KCNIP4: variants seen among roughly 807,000 people sequenced by gnomAD.
KCNIP4 encodes Kv channel-interacting protein 4.
Under a neutral mutation model 34.0 loss-of-function variants are expected in KCNIP4, and 12 were observed. That is an observed-to-expected ratio of 0.35 (90% confidence interval 0.23 to 0.57). The LOEUF is 0.57. Ranked by LOEUF, KCNIP4 falls within the 20% of genes least tolerant of loss-of-function variation. The probability of loss-of-function intolerance (pLI) is 0.83; values close to 1 mark genes in which losing one functional copy is unlikely to be tolerated. For missense variants in KCNIP4, 238 were observed against 311.7 expected (o/e 0.76, Z 1.78); for synonymous variants, 124 against 102.2 (o/e 1.21, Z -1.29).
intron 1 of KCNIP4, among the ~76,000 whole-genome samples, chr4:21,109,694 G>C (rs9714992): frequency 0.45 from 68,241 of 151,262 alleles, 15,828 homozygotes; most frequent in African/African-American, 0.58. Flanking sequence ...TCTTCTGCAT[G>C]ACTCACGCTG....
In KCNIP4 at chr4:20,919,878, C is replaced by T. The variant is rs564660168; in HGVS notation, c.62-37169G>A. On this transcript the variant is annotated intron_variant, in intron 1 of 8. Coordinates refer to ENST00000382152, the MANE Select transcript of KCNIP4 (RefSeq NM_025221.6). The stretch of plus-strand genomic sequence containing the variant: ...CATCAAACTTTAGTGGAACTGGCCT[C>T]AGAAACCCAATTTCTGGCTAACACA... Among the ~76,000 whole-genome samples the T allele has an allele frequency of 5.9e-5, 9 of 152,176 alleles. 1 individual carries two copies. The South Asian group carries it at 1.0e-3, about 18-fold the overall frequency.
At chr4:21,687,088 A>G (rs1461144649) in intron 1 of KCNIP4, among the ~76,000 whole-genome samples, 2 of 141,928 alleles carry the variant, frequency 1.4e-5, no homozygotes, top group Middle Eastern at 3.6e-3. Flanking sequence ...CAAACACCGC[A>G]TATTCTCACT....
At chr4:21,714,053 A>G (rs1484456096) in intron 1 of KCNIP4, among the ~76,000 whole-genome samples, 3 of 152,184 alleles carry the variant, frequency 2.0e-5, no homozygotes, top group Non-Finnish European at 4.4e-5. Flanking sequence ...TAAATACATC[A>G]TCAGATTTAT....
At chr4:21,291,128 C>T (rs756548091) in intron 1 of KCNIP4, among the ~76,000 whole-genome samples, 1 of 152,166 alleles carries the variant, frequency 6.6e-6, no homozygotes, top group Non-Finnish European at 1.5e-5. Context: ...TATCCAGTGC[C>T]CTTTTTCACA....
intron 1 of KCNIP4, among the ~76,000 whole-genome samples, chr4:21,247,414 G>C (rs978132293): frequency 6.6e-6 from 1 of 151,688 alleles, no homozygotes. Flanking sequence ...ACAATAAAGG[G>C]TTTGAACATT....
chr4:21,043,792 C>T (rs532175650), intron 1 of KCNIP4, among the ~76,000 whole-genome samples: 1 of 152,174 alleles, frequency 6.6e-6, no homozygotes, highest in East Asian at 1.9e-4. Context: ...GCTTTGCATC[C>T]ATTATGTCAC....
intron 3 of KCNIP4, among the ~76,000 whole-genome samples, chr4:20,841,364 T>C (rs1719694766): frequency 6.6e-6 from 1 of 152,072 alleles, no homozygotes; most frequent in Non-Finnish European, 1.5e-5. Flanking sequence ...GCTTAAAGAA[T>C]AGGGGAGGAG....
intron 1 of KCNIP4, among the ~76,000 whole-genome samples, chr4:20,987,193 C>T (rs1447724610): frequency 6.6e-6 from 1 of 152,108 alleles, no homozygotes; most frequent in Non-Finnish European, 1.5e-5. Context: ...AGTTTGAGAC[C>T]AGTCTGGGGA....
At chr4:21,320,130 T>C in intron 1 of KCNIP4, among the ~76,000 whole-genome samples, 1 of 152,226 alleles carries the variant, frequency 6.6e-6, no homozygotes, top group East Asian at 1.9e-4. Flanking sequence ...ATTTGTGATC[T>C]GAAACAGATT....
chr4:21,263,972 T>TAC (rs1761633914), intron 1 of KCNIP4, among the ~76,000 whole-genome samples: 2 of 151,558 alleles, frequency 1.3e-5, no homozygotes, highest in African/African-American at 4.8e-5. Context: ...TATATACGTG[T>TAC]GTGTGTGTGT....
chr4:21,776,687 C>G (rs991275322), intron 1 of KCNIP4, among the ~76,000 whole-genome samples: 14 of 152,060 alleles, frequency 9.2e-5, no homozygotes, highest in Non-Finnish European at 1.8e-4. Flanking sequence ...GAGGAAGAAA[C>G]CAGGTAGAGG....
At chr4:21,913,130 T>C (rs926163609) in intron 1 of KCNIP4, among the ~76,000 whole-genome samples, 5 of 152,094 alleles carry the variant, frequency 3.3e-5, no homozygotes, top group Non-Finnish European at 7.4e-5. Context: ...AGTGGGCCTT[T>C]AAAAGGTTGT....
chr4:21,027,933 ATAAT>A (rs1439414730), intron 1 of KCNIP4, among the ~76,000 whole-genome samples: 1 of 152,194 alleles, frequency 6.6e-6, no homozygotes, highest in Non-Finnish European at 1.5e-5. Context: ...TTCCAGACAA[ATAAT>A]TAATTACCTT....
chr4:21,705,119 A>G (rs1403953701), intron 1 of KCNIP4, among the ~76,000 whole-genome samples: 2 of 152,322 alleles, frequency 1.3e-5, no homozygotes, highest in East Asian at 3.9e-4. Context: ...TCAAAAGATT[A>G]CATACCACAT....
At chr4:20,904,105 G>A (rs1285833827) in intron 1 of KCNIP4, among the ~76,000 whole-genome samples, 1 of 151,998 alleles carries the variant, frequency 6.6e-6, no homozygotes, top group Non-Finnish European at 1.5e-5. Context: ...AGAGTAAAAA[G>A]TGAAAGGAGA....
intron 1 of KCNIP4, among the ~76,000 whole-genome samples, chr4:21,588,934 T>C (rs1277099461): frequency 6.6e-6 from 1 of 151,396 alleles, no homozygotes; most frequent in Non-Finnish European, 1.5e-5. Context: ...GTAGAACTAA[T>C]CACCTTTTCA....
intron 1 of KCNIP4, among the ~76,000 whole-genome samples, chr4:21,008,565 C>T (rs961580704): frequency 6.6e-6 from 1 of 151,808 alleles, no homozygotes; most frequent in Admixed American, 6.6e-5. Flanking sequence ...GCTCTGTCGC[C>T]CAGGTTGGAG....
chr4:21,773,128 T>C (rs1481701873), intron 1 of KCNIP4, among the ~76,000 whole-genome samples: 6 of 152,156 alleles, frequency 3.9e-5, no homozygotes, highest in Non-Finnish European at 8.8e-5. Flanking sequence ...TCTGTTCTCA[T>C]TGGTTTGAAA....
chr4:21,299,617 C>T (rs1280589856), intron 1 of KCNIP4, among the ~76,000 whole-genome samples: 1 of 152,160 alleles, frequency 6.6e-6, no homozygotes, highest in Non-Finnish European at 1.5e-5. Context: ...ACTGGAGGAA[C>T]CAGAATGCTG....
Sources: allele counts gnomAD v4.1 joint callset (sites outside exome capture counted in the v4.1 genomes callset), GRCh38; gene constraint gnomAD v4.1.1; transcripts MANE v1.5; gene names NCBI Gene and HGNC (gene_info 2026-07-23, HGNC 2026-07-21).